Variants in RBFOX1 observed in about 807,000 individuals in gnomAD.
RBFOX1 encodes the protein RNA binding fox-1 homolog 1.
RBFOX1 carries 8 observed loss-of-function variants against 57.7 expected under a neutral mutation model. That is an observed-to-expected ratio of 0.14 (90% CI 0.08 to 0.25). RBFOX1 has a LOEUF of 0.25. Ranked by LOEUF, RBFOX1 falls within the 10% of genes least tolerant of loss-of-function variation. The pLI is 1.00. For missense variants in RBFOX1, 611 were observed against 548.5 expected, an observed-to-expected ratio of 1.11 and a Z score of -1.14; for synonymous variants, 326 against 222.4, an observed-to-expected ratio of 1.47 and a Z score of -4.15.
chr16:5,787,004 C>A (rs2054524893), intron 3 of RBFOX1, among the ~76,000 whole-genome samples: 1 of 152,134 alleles, frequency 6.6e-6, no homozygotes, highest in Non-Finnish European at 1.5e-5. Flanking sequence ...GGCGCGGTGG[C>A]AGATGCCTGT....
chr16:7,695,104 A>G (rs564842203), intron 14 of RBFOX1, among the ~76,000 whole-genome samples: 1 of 152,332 alleles, frequency 6.6e-6, no homozygotes, highest in Non-Finnish European at 1.5e-5. Context: ...ATGGCTGCTC[A>G]GTAAATTCTT....
chr16:5,469,599 C>T (rs583803), intron 2 of RBFOX1, among the ~76,000 whole-genome samples: 124,118 of 152,066 alleles, frequency 0.82, 50,868 homozygotes, highest in African/African-American at 0.88. Flanking sequence ...ACCATACCTT[C>T]ATGTAGTTCC....
At chr16:7,430,153 A>G (rs1297596340) in intron 4 of RBFOX1, among the ~76,000 whole-genome samples, 1 of 152,252 alleles carries the variant, frequency 6.6e-6, no homozygotes, top group Non-Finnish European at 1.5e-5. Flanking sequence ...TGAGCTTATC[A>G]TTAATCTAGC....
chr16:6,672,712 G>A (rs1369121226), intron 3 of RBFOX1, among the ~76,000 whole-genome samples: 1 of 152,076 alleles, frequency 6.6e-6, no homozygotes, highest in Non-Finnish European at 1.5e-5. Flanking sequence ...CTTTTCTTGG[G>A]TTTGGCTTGC....
intron 1 of RBFOX1, among the ~76,000 whole-genome samples, chr16:5,386,573 G>T (rs1184357055): frequency 1.3e-5 from 2 of 152,044 alleles, no homozygotes; most frequent in Non-Finnish European, 2.9e-5. Context: ...TCTCACTGCA[G>T]CCCCACTCTC....
chr16:7,441,422 C>A (rs1446443680), intron 4 of RBFOX1, among the ~76,000 whole-genome samples: 1 of 152,094 alleles, frequency 6.6e-6, no homozygotes, highest in Non-Finnish European at 1.5e-5. Flanking sequence ...TTGCCTAAGC[C>A]TCCCATTACA....
chr16:5,654,526 C>T (rs1216541561), intron 3 of RBFOX1, among the ~76,000 whole-genome samples: 1 of 152,110 alleles, frequency 6.6e-6, no homozygotes, highest in African/African-American at 2.4e-5. Context: ...TCAGAATCGT[C>T]CTCCAAGACT....
intron 1 of RBFOX1, among the ~76,000 whole-genome samples, chr16:6,100,384 G>C (rs558882082): frequency 5.3e-5 from 8 of 152,252 alleles, no homozygotes; most frequent in African/African-American, 1.7e-4. Context: ...GGATGGTCTC[G>C]ATTTCCTGAC....
intron 3 of RBFOX1, among the ~76,000 whole-genome samples, chr16:7,042,930 A>G (rs1403837931): frequency 6.6e-6 from 1 of 151,590 alleles, no homozygotes; most frequent in East Asian, 1.9e-4. Flanking sequence ...TGTTTCAAAA[A>G]TAAATAAATA....
intron 1 of RBFOX1, among the ~76,000 whole-genome samples, chr16:6,105,819 T>C (rs931502709): frequency 6.6e-5 from 10 of 152,150 alleles, no homozygotes; most frequent in African/African-American, 2.4e-4. Flanking sequence ...TAATTGGGCT[T>C]AAGCTGTATA....
intron 4 of RBFOX1, among the ~76,000 whole-genome samples, chr16:7,415,783 A>C (rs2149228243): frequency 8.8e-6 from 1 of 113,262 alleles, no homozygotes; most frequent in Non-Finnish European, 1.5e-5. Flanking sequence ...GAAGAAAATA[A>C]GAGTATATAT....
intron 4 of RBFOX1, among the ~76,000 whole-genome samples, chr16:7,180,546 G>T (rs2082494811): frequency 6.6e-6 from 1 of 152,010 alleles, no homozygotes; most frequent in Non-Finnish European, 1.5e-5. Context: ...GTGCTTTATG[G>T]GCTGATAAAT....
intron 4 of RBFOX1, among the ~76,000 whole-genome samples, chr16:7,336,376 C>T (rs2096787917): frequency 6.6e-6 from 1 of 152,214 alleles, no homozygotes; most frequent in African/African-American, 2.4e-5. Flanking sequence ...ATGGCCAAGT[C>T]ACTTTCACTA....
chr16:6,581,923 C>G (rs971174639), intron 2 of RBFOX1, among the ~76,000 whole-genome samples: 2 of 152,190 alleles, frequency 1.3e-5, no homozygotes, highest in Non-Finnish European at 2.9e-5. Context: ...TTCATATAAA[C>G]CAATCGTTAT....
intron 4 of RBFOX1, among the ~76,000 whole-genome samples, chr16:7,363,035 T>C (rs941455946): frequency 6.6e-6 from 1 of 152,200 alleles, no homozygotes; most frequent in African/African-American, 2.4e-5. Flanking sequence ...TTAAGCAGGA[T>C]GGCCTGTAAA....
At chr16:7,339,870 G>A (rs572813583) in intron 4 of RBFOX1, among the ~76,000 whole-genome samples, 72 of 152,318 alleles carry the variant, frequency 4.7e-4, no homozygotes, top group African/African-American at 1.5e-3. Context: ...GACAAGCCAA[G>A]GGCTGTCACT....
Position 5,936,641 on chromosome 16 carries a change from A to C in RBFOX1, c.351+69306A>C, listed in dbSNP as rs2059174147. Among the ~76,000 whole-genome samples the C allele has an allele frequency of 2.6e-5, 4 of 152,220 alleles. 1 individual carries two copies. Among genetic ancestry groups the C allele is most frequent in the Admixed American group, 2.6e-4 (4 of 15,278 alleles). ...GATGGTGGATGATGAACATTTTAAG[A>C]ACAAGGATGTACCTTTCAACTTGTA... On this transcript the variant is annotated intron_variant, in intron 4 of 19. Transcript: ENST00000641259.
chr16:6,356,634 C>T (rs889119270), intron 2 of RBFOX1, among the ~76,000 whole-genome samples: 1 of 152,076 alleles, frequency 6.6e-6, no homozygotes, highest in African/African-American at 2.4e-5. Context: ...TGTGAAATAG[C>T]TGCAGCCAAG....
intron 1 of RBFOX1, among the ~76,000 whole-genome samples, chr16:5,383,093 G>A (rs182968780): frequency 1.3e-5 from 2 of 152,294 alleles, no homozygotes; most frequent in Admixed American, 6.5e-5. Flanking sequence ...GGCACAGTCC[G>A]TTATTTGGAT....
Sources: gnomAD v4.1 joint callset for allele counts (sites outside exome capture counted in the v4.1 genomes callset) on GRCh38, gnomAD v4.1.1 for gene constraint, MANE v1.5 for transcripts, NCBI Gene and HGNC (gene_info 2026-07-23, HGNC 2026-07-21) for gene names.